The following ZNF136 variants were observed in gnomAD, a reference collection of about 807,000 sequenced individuals.
ZNF136 encodes the protein zinc finger protein 136 (clone pHZ-20).
In ZNF136, 8 loss-of-function variants were observed where a neutral mutation model predicts 11.4. The ratio of observed to expected loss-of-function variants is 0.70; its 90% CI spans 0.41 to 1.27. The LOEUF (loss-of-function observed/expected upper bound fraction) is 1.27, where lower values mean the gene tolerates loss of function less well. Ranked by LOEUF, ZNF136 falls within the 50% of genes most tolerant of loss-of-function variation. ZNF136 has a pLI of 0.01. For synonymous variants in ZNF136, 190 were observed against 207.1 expected (o/e 0.92, Z 0.71); for missense variants, 590 against 656.5 (o/e 0.90, Z 1.11).
Position 12,188,823 on chromosome 19 carries a change from T to G in ZNF136, c.*822T>G, listed in dbSNP as rs542427921. On this transcript the variant is annotated 3_prime_UTR_variant, in exon 4 of 4. Transcript: ENST00000343979. ...AAAAAAAAAGTCATTTGAAAACTTC[T>G]AATACAGCAAAATCCTATAAATGTA... The G allele has an allele frequency of 1.3e-5, 2 of 152,192 alleles. No homozygotes were observed. The highest frequency in any genetic ancestry group is 4.2e-4 in the South Asian group (2 of 4,818). The allele number at this position is 152,192 out of a possible 1,614,324, so 9.4% of individuals were successfully genotyped here. A position where few individuals can be genotyped will look rare whatever the true frequency, so the allele number is the denominator to read the frequency against.
chr19:12,185,975 T>A, intron 2 of ZNF136, 64 bp downstream of exon 2: 1 of 1,607,786 alleles, frequency 6.2e-7, no homozygotes, highest in Non-Finnish European at 8.5e-7. Flanking sequence ...GCAGTGATGC[T>A]GTTCCATGGT....
intron 1 of ZNF136, among the ~76,000 whole-genome samples, chr19:12,171,114 C>T (rs1198333554): frequency 2.0e-5 from 3 of 151,362 alleles, no homozygotes; most frequent in Non-Finnish European, 4.4e-5. Context: ...GGATTACAGG[C>T]ATGAGCCACT....
rs1290513250 is a variant in ZNF136 at position 12,183,259 on chromosome 19, C to G, written c.4-2526C>G. Among the ~76,000 whole-genome samples, 3 of 152,024 alleles carry G rather than the reference C, an allele frequency of 2.0e-5. No individual in the cohort carries two copies. The East Asian group carries it at 5.8e-4, about 29-fold the overall frequency. ...TCCCCGGTTCAAGCAATCCTCCCAC[C>G]TCAGCCTCCTGAGCAGCTAGAACCA... On this transcript the variant is annotated intron_variant, in intron 1 of 3. Coordinates refer to ENST00000343979, the MANE Select transcript of ZNF136 (RefSeq NM_003437.5).
chr19:12,165,205 G>A (rs1358687406), intron 1 of ZNF136, among the ~76,000 whole-genome samples: 1 of 152,210 alleles, frequency 6.6e-6, no homozygotes, highest in Non-Finnish European at 1.5e-5. Flanking sequence ...GGTACACAGT[G>A]TCGCGTAATG....
At chr19:12,185,952 A>C (rs769246232) in intron 2 of ZNF136, 41 bp downstream of exon 2, 1 of 1,610,224 alleles carries the variant, frequency 6.2e-7, no homozygotes, top group East Asian at 2.2e-5. Flanking sequence ...ATTAAAGAAG[A>C]AGTGCTTCTT....
intron 1 of ZNF136, among the ~76,000 whole-genome samples, chr19:12,177,470 TC>T (rs1914830599): frequency 1.3e-5 from 2 of 152,298 alleles, no homozygotes; most frequent in Non-Finnish European, 2.9e-5. Context: ...TGCCTCAGCC[TC>T]CTGAGTAGCT....
intron 1 of ZNF136, among the ~76,000 whole-genome samples, chr19:12,168,627 C>T (rs1214213212): frequency 2.6e-5 from 4 of 151,966 alleles, no homozygotes; most frequent in East Asian, 3.9e-4. Context: ...TTCCAGGGGA[C>T]CCCCACTTCC....
chr19:12,187,633 C>A lies in ZNF136; in HGVS notation c.1255C>A (p.Pro419Thr). ...IHERTHTGEK[P>T]YVCKHCGKAF... ...TGAAAGAACTCACACTGGAGAGAAA[C>A]CTTATGTATGTAAACATTGTGGTAA... is the stretch of plus-strand genomic sequence containing the variant. The change falls in exon 4 of 4, where the codon CCT becomes ACT. Residue 419 changes from proline (P) to threonine (T), a missense_variant. Physicochemically the swap from Pro to Thr is conservative, Grantham distance 38 (BLOSUM62 -1). Transcript: ENST00000343979. The A allele has an allele frequency of 3.1e-6, 5 of 1,614,118 alleles. No individual in the cohort carries two copies. The highest frequency in any genetic ancestry group is 4.2e-6 in the Non-Finnish European group (5 of 1,180,016).
chr19:12,182,532 C>T (rs1169261035), intron 1 of ZNF136, among the ~76,000 whole-genome samples: 1 of 152,238 alleles, frequency 6.6e-6, no homozygotes, highest in Non-Finnish European at 1.5e-5. Flanking sequence ...CCTCTTGGGA[C>T]ACTCAGCTTG....
At chr19:12,166,806 G>A (rs1248825906) in intron 1 of ZNF136, among the ~76,000 whole-genome samples, 1 of 152,158 alleles carries the variant, frequency 6.6e-6, no homozygotes, top group Non-Finnish European at 1.5e-5. Context: ...CATCAAACAT[G>A]AGTCATTAAA....
rs372751682 is a variant in ZNF136, at chr19:12,176,488, A to G, written c.4-9297A>G. Among the ~76,000 whole-genome samples, 80 of 152,046 alleles carry G rather than the reference A, an allele frequency of 5.3e-4. No homozygotes were observed. The East Asian group carries it at 0.013, about 24-fold the overall frequency. ...ATTACAGGCGCTTGCCACCACACCC[A>G]GCTAATTTTTGTATTTTTAGTAGAG... On this transcript the variant is annotated intron_variant, in intron 1 of 3. Transcript: ENST00000343979.
chr19:12,171,907 G>GA (rs984836632), intron 1 of ZNF136, among the ~76,000 whole-genome samples: 13 of 149,584 alleles, frequency 8.7e-5, no homozygotes, highest in African/African-American at 2.2e-4. Context: ...TGTCAAGTTG[G>GA]AAAAAAAATT....
intron 1 of ZNF136, among the ~76,000 whole-genome samples, chr19:12,181,639 A>AT (rs1034921874): frequency 1.3e-5 from 2 of 150,692 alleles, no homozygotes; most frequent in African/African-American, 4.9e-5. Flanking sequence ...CGCCCAGCTA[A>AT]TTTTTTTTGG....
chr19:12,170,561 A>AT (rs1321511939), intron 1 of ZNF136, among the ~76,000 whole-genome samples: 1 of 149,384 alleles, frequency 6.7e-6, no homozygotes, highest in Non-Finnish European at 1.5e-5. Flanking sequence ...TAATGGTTGT[A>AT]TTTTTTTATA....
Position 12,187,313 on chromosome 19 carries a change from AG to A in ZNF136, c.936del (p.Gln312HisfsTer72). On this transcript the variant is annotated frameshift_variant, in exon 4 of 4. Coordinates refer to ENST00000343979, the MANE Select transcript of ZNF136 (RefSeq NM_003437.5). LOFTEE classifies it low-confidence loss of function (END_TRUNC). ...GGAGAGAAACCTTATGAATGCAAGC[AG>A]TGTGGGAAGGCCTTCAGTTATCTCC... ...HTGEKPYECK[Q>X]CGKAFSYLPS... 2 of 1,614,156 alleles carry A rather than the reference AG, an allele frequency of 1.2e-6. No homozygotes were observed. Among genetic ancestry groups the A allele is most frequent in the Non-Finnish European group, 1.7e-6 (2 of 1,180,014 alleles).
intron 1 of ZNF136, among the ~76,000 whole-genome samples, chr19:12,169,592 C>T (rs1272778586): frequency 6.9e-6 from 1 of 145,558 alleles, no homozygotes; most frequent in East Asian, 2.1e-4. Flanking sequence ...CAGAGGTGAC[C>T]ACAGTACTGA....
At chr19:12,169,985 G>A (rs568787383) in intron 1 of ZNF136, among the ~76,000 whole-genome samples, 230 of 151,968 alleles carry the variant, frequency 1.5e-3, no homozygotes, top group Admixed American at 4.4e-3. Flanking sequence ...TAGTAGAGAC[G>A]GGGTTTCACT....
At chr19:12,168,959 T>C (rs1914566617) in intron 1 of ZNF136, among the ~76,000 whole-genome samples, 1 of 152,232 alleles carries the variant, frequency 6.6e-6, no homozygotes, top group Middle Eastern at 3.4e-3. Flanking sequence ...ATTATAGGGG[T>C]CATTCTTTAA....
intron 2 of ZNF136, 37 bp downstream of exon 2, chr19:12,185,948 G>A (rs1915068605): frequency 3.1e-6 from 5 of 1,610,460 alleles, no homozygotes; most frequent in African/African-American, 1.3e-5. Flanking sequence ...AGCAATTAAA[G>A]AAGAAGTGCT....
Sources: allele counts gnomAD v4.1 joint callset (sites outside exome capture counted in the v4.1 genomes callset), GRCh38; gene constraint gnomAD v4.1.1; transcripts MANE v1.5; gene names NCBI Gene and HGNC (gene_info 2026-07-23, HGNC 2026-07-21).